Variants in FAM114A2 observed in about 807,000 individuals in gnomAD.
FAM114A2 encodes protein FAM114A2.
A neutral mutation model predicts 58.4 loss-of-function variants in FAM114A2; 53 were observed. That is an observed-to-expected ratio of 0.91 (90% CI 0.73 to 1.14). FAM114A2 has a LOEUF of 1.14. Ranked by LOEUF, FAM114A2 falls within the 50% of genes most tolerant of loss-of-function variation. The pLI, the probability that FAM114A2 is intolerant of heterozygous loss-of-function variation, is 0.00. For synonymous variants in FAM114A2, 228 were observed against 211.4 expected (o/e 1.08, Z -0.68); for missense variants, 601 against 581.1 (o/e 1.03, Z -0.35).
chr5:154,010,917 G>T (rs1770649335), intron 9 of FAM114A2, among the ~76,000 whole-genome samples: 1 of 152,140 alleles, frequency 6.6e-6, no homozygotes, highest in Non-Finnish European at 1.5e-5. Context: ...CCTCGACAGA[G>T]GCTCACCCAC....
chr5:154,026,881 T>TAAAA (rs369405624), intron 7 of FAM114A2, among the ~76,000 whole-genome samples: 1 of 132,852 alleles, frequency 7.5e-6, no homozygotes, highest in East Asian at 2.1e-4. Context: ...CCAAAGAAAC[T>TAAAA]AAAAAAAAAA....
chr5:154,037,799 T>A (rs1356288640), intron 1 of FAM114A2, among the ~76,000 whole-genome samples: 3 of 152,176 alleles, frequency 2.0e-5, no homozygotes, highest in African/African-American at 7.2e-5. Context: ...AATCTTCCCC[T>A]GCCTCAGCCT....
In FAM114A2 at chr5:154,028,157, G is replaced by C; in HGVS notation, c.622C>G (p.Leu208Val). The C allele has an allele frequency of 2.5e-6, 4 of 1,611,110 alleles. No homozygotes were observed. The highest frequency in any genetic ancestry group is 2.5e-6 in the Non-Finnish European group (3 of 1,178,284). Residue 208 changes from leucine (L) to valine (V), a missense_variant, in exon 6 of 14, where the codon CTA (leucine) becomes GTA (valine). Coordinates refer to ENST00000351797, the MANE Select transcript of FAM114A2 (RefSeq NM_018691.4). ...GTAAGGATAATCAGTACCTGAGATA[G>C]TGTAGCATTTCGGTTCATCAGACCC... is the stretch of plus-strand genomic sequence containing the variant. ...TKGLMNRNAT[L>V]SQVLREAKEK...
At position 154,003,626 on chromosome 5, in the gene FAM114A2, C is replaced by T. The variant is rs189798320; in HGVS notation, c.994-657G>A. ...TTTCCTCATCCCTAGAAGGTCCCTT[C>T]ATGTCCCTTCCTAGCCAATACTATT... On this transcript the variant is annotated intron_variant, in intron 9 of 13. Coordinates refer to ENST00000351797, the MANE Select transcript of FAM114A2 (RefSeq NM_018691.4). 3.7e-3 allele frequency among the ~76,000 whole-genome samples: 558 copies of T among 152,314 alleles called. 1 individual carries two copies. The highest frequency in any genetic ancestry group is 6.0e-3 in the Non-Finnish European group (409 of 68,022).
rs745825527 is a variant in FAM114A2 at position 154,002,142 on chromosome 5, T to C, written c.1256+109A>G. On this transcript the variant is annotated intron_variant, in intron 11 of 13. Transcript: ENST00000351797. ...ATGAACAAACCATCTAATATGTGGA[T>C]GGGTGTGACGTGAATGGTTTCTTGA... is the stretch of plus-strand genomic sequence containing the variant. The C allele has an allele frequency of 2.0e-4, 182 of 906,602 alleles. 1 individual carries two copies. The highest frequency in any genetic ancestry group is 2.9e-4 in the Non-Finnish European group (165 of 571,256). The allele number at this position is 906,602 out of a possible 1,614,324, so 56.2% of individuals were successfully genotyped here.
chr5:153,996,557 T>C (rs1408658595), intron 12 of FAM114A2, among the ~76,000 whole-genome samples: 3 of 127,310 alleles, frequency 2.4e-5, no homozygotes, highest in Admixed American at 8.5e-5. Context: ...AAGAAACTTG[T>C]ACTAGGAAAA....
intron 11 of FAM114A2, among the ~76,000 whole-genome samples, chr5:154,001,668 A>T (rs1343278913): frequency 1.3e-5 from 2 of 152,132 alleles, no homozygotes; most frequent in Non-Finnish European, 2.9e-5. Context: ...TTTCTTCCCT[A>T]CCTATGATTA....
At chr5:154,029,251 C>T (rs1378482315) in intron 5 of FAM114A2, among the ~76,000 whole-genome samples, 1 of 152,158 alleles carries the variant, frequency 6.6e-6, no homozygotes. Context: ...CTCTCTGTAA[C>T]TCCTACTCCC....
chr5:153,994,250 A>C (rs796194675), intron 13 of FAM114A2, among the ~76,000 whole-genome samples: 22 of 152,308 alleles, frequency 1.4e-4, no homozygotes, highest in African/African-American at 5.3e-4. Context: ...CTAAAACTTA[A>C]CTATCAAATA....
intron 8 of FAM114A2, among the ~76,000 whole-genome samples, chr5:154,024,438 A>T (rs1040892756): frequency 1.3e-5 from 2 of 152,174 alleles, no homozygotes; most frequent in East Asian, 3.8e-4. Flanking sequence ...GTTTAGTGAG[A>T]ACAGTGCCAT....
chr5:154,017,729 T>C (rs1307648406), intron 8 of FAM114A2, among the ~76,000 whole-genome samples: 1 of 152,170 alleles, frequency 6.6e-6, no homozygotes, highest in Non-Finnish European at 1.5e-5. Flanking sequence ...AAAGTGAAAT[T>C]ATATCATGCA....
At chr5:154,001,394 T>C (rs1769960629) in intron 11 of FAM114A2, among the ~76,000 whole-genome samples, 1 of 152,124 alleles carries the variant, frequency 6.6e-6, no homozygotes, top group African/African-American at 2.4e-5. Flanking sequence ...CAAAGAACAT[T>C]CCAAGTAGCA....
Position 153,994,315 on chromosome 5 carries a change from C to A in FAM114A2, c.1383+604G>T, listed in dbSNP as rs1341829403. Among the ~76,000 whole-genome samples the A allele has an allele frequency of 4.6e-5, 7 of 152,266 alleles. No homozygotes were observed. In the East Asian group the frequency reaches 1.3e-3, roughly 29 times the overall value. On this transcript the variant is annotated intron_variant, in intron 13 of 13. Coordinates refer to ENST00000351797, the MANE Select transcript of FAM114A2 (RefSeq NM_018691.4). ...TGTTTTAAACAAATCATCAAAAAGT[C>A]TATGTTGTCTGCACAGTTAGTTTAC...
intron 4 of FAM114A2, among the ~76,000 whole-genome samples, chr5:154,030,776 G>A (rs888162388): frequency 6.6e-6 from 1 of 152,204 alleles, no homozygotes. Context: ...ATACTGCACT[G>A]CTGAGGCACT....
rs1471118880 is a variant in FAM114A2 at position 154,028,248 on chromosome 5, TA to T, written c.530del (p.Leu177Ter). The T allele has an allele frequency of 1.2e-6, 2 of 1,607,792 alleles. No homozygotes were observed. Among genetic ancestry groups the T allele is most frequent in the Non-Finnish European group, 1.7e-6 (2 of 1,175,160 alleles). On this transcript the variant is annotated frameshift_variant, in exon 6 of 14. Transcript: ENST00000351797. LOFTEE classifies it high-confidence loss of function. ...CCATTGTCTTTTTTCCAATGAATTC[TA>T]AGGCATCCAAACCCCCACTTATAAC... ...KSVISGGLDALEFIGKKTMDV... is the reference protein window; with the variant it reads ...KSVISGGLDAXEFIGKKTMDV...
At chr5:154,005,831 G>A (rs925198855) in intron 9 of FAM114A2, among the ~76,000 whole-genome samples, 2 of 152,172 alleles carry the variant, frequency 1.3e-5, no homozygotes, top group Admixed American at 6.5e-5. Context: ...TGAGGTAATA[G>A]GAATCCAGAG....
intron 8 of FAM114A2, among the ~76,000 whole-genome samples, chr5:154,017,936 T>C (rs868815687): frequency 6.6e-6 from 1 of 152,116 alleles, no homozygotes; most frequent in Admixed American, 6.6e-5. Context: ...GAAAGTTAAA[T>C]AGGCCGAAAC....
rs1439664160 is a variant in FAM114A2, at chr5:154,033,866, C to T, written c.328G>A (p.Val110Ile). 6.2e-7 allele frequency: 1 copy of T among 1,607,548 alleles called. No homozygotes were observed. Among genetic ancestry groups the T allele is most frequent in the Non-Finnish European group, 8.5e-7 (1 of 1,174,708 alleles). Residue 110 changes from valine (V) to isoleucine (I), a missense_variant, in exon 4 of 14, where the codon GTC becomes ATC. Coordinates refer to ENST00000351797, the MANE Select transcript of FAM114A2 (RefSeq NM_018691.4). ...AGGGAAGTCTCTGCCTTCTCGATGA[C>T]ATTTGAAATGCCTTGTCCTAATGAG... is the stretch of plus-strand genomic sequence containing the variant. Reference protein sequence around the residue: ...VATVGQGISNVIEKAETSLGI... With the variant: ...VATVGQGISNIIEKAETSLGI...
intron 8 of FAM114A2, among the ~76,000 whole-genome samples, chr5:154,026,151 T>A (rs1469775970): frequency 2.0e-5 from 3 of 152,156 alleles, no homozygotes; most frequent in African/African-American, 7.2e-5. Flanking sequence ...AGATTAGACC[T>A]TGAGAAGCCA....
Sources: allele counts gnomAD v4.1 joint callset (sites outside exome capture counted in the v4.1 genomes callset), GRCh38; gene constraint gnomAD v4.1.1; transcripts MANE v1.5; gene names NCBI Gene and HGNC (gene_info 2026-07-23, HGNC 2026-07-21).